Variants in AGO1 observed in about 807,000 individuals in gnomAD.
AGO1 encodes protein argonaute-1.
In AGO1, 11 loss-of-function variants were observed where a neutral mutation model predicts 109.2. The ratio of observed to expected loss-of-function variants is 0.10; its 90% CI spans 0.06 to 0.17. AGO1 has a LOEUF of 0.17. AGO1 is among the 10% of genes least tolerant of loss of function. The pLI is 1.00. For synonymous variants in AGO1, 422 were observed against 418.6 expected (o/e 1.01, Z -0.10); for missense variants, 574 against 1,140.3 (o/e 0.50, Z 7.15).
chr1:35,883,963 C>T lies in AGO1; in HGVS notation c.25+517C>T, dbSNP rs1372690081. On this transcript the variant is annotated intron_variant, in intron 1 of 18. Coordinates refer to ENST00000373204, the MANE Select transcript of AGO1 (RefSeq NM_012199.5). The surrounding 1 kb of genome is among the most constrained non-coding windows in gnomAD (Gnocchi z 5.4). ...GGGGCGGTGGGTGGGGACCCAGTCC[C>T]GGGATTACCCCCCGTGGGTCTGGGG... is the stretch of plus-strand genomic sequence containing the variant. Among the ~76,000 whole-genome samples the T allele has an allele frequency of 6.6e-6, 1 of 152,194 alleles. No homozygotes were observed. The highest frequency in any genetic ancestry group is 1.9e-4 in the East Asian group (1 of 5,176).
At chr1:35,910,590 A>C (rs995374743) in intron 12 of AGO1, among the ~76,000 whole-genome samples, 5 of 152,154 alleles carry the variant, frequency 3.3e-5, no homozygotes, top group African/African-American at 1.2e-4. Context: ...AGTTTTGCCT[A>C]TATTTAAACT....
intron 15 of AGO1, 95 bp from the exon 16 acceptor site, chr1:35,917,498 A>G (rs1645754675): frequency 7.2e-7 from 1 of 1,397,890 alleles, no homozygotes; most frequent in African/African-American, 1.4e-5. Flanking sequence ...GCCAAAAGTT[A>G]TATTACAAGT....
chr1:35,903,156 G>A (rs943345929), intron 11 of AGO1, among the ~76,000 whole-genome samples: 8 of 151,740 alleles, frequency 5.3e-5, no homozygotes, highest in Non-Finnish European at 4.4e-5. Context: ...ACAGGCGCCC[G>A]CCACCACGCC....
chr1:35,883,726 C>A lies in AGO1; in HGVS notation c.25+280C>A, dbSNP rs1048356988. Among the ~76,000 whole-genome samples, 1 of 152,212 alleles carries A rather than the reference C, an allele frequency of 6.6e-6. No homozygotes were observed. Among genetic ancestry groups the A allele is most frequent in the African/African-American group, 2.4e-5 (1 of 41,470 alleles). On this transcript the variant is annotated intron_variant, in intron 1 of 18. Transcript: ENST00000373204. This position sits in a 1 kb window ranked among gnomAD's most constrained non-coding sequence, Gnocchi z 5.4. The stretch of plus-strand genomic sequence containing the variant: ...CACGCACGGAAGGACTCCCAGACAT[C>A]CGTGGAGGCCTACGGAGAGGCCCGG...
upstream of AGO1, among the ~76,000 whole-genome samples, chr1:35,881,854 A>G (rs571978885): frequency 6.1e-4 from 93 of 152,354 alleles, no homozygotes; most frequent in Middle Eastern, 0.014. Flanking sequence ...TACCCCGCCT[A>G]TCACTGCACC....
chr1:35,907,190 G>A (rs914261830), intron 12 of AGO1, 71 bp downstream of exon 12: 1 of 1,401,704 alleles, frequency 7.1e-7, no homozygotes, highest in African/African-American at 1.4e-5. Flanking sequence ...GGTCTCCTGG[G>A]AAGGACTCAG....
At position 35,920,735 on chromosome 1, in the gene AGO1, T is replaced by A. The variant is rs1246905719; in HGVS notation, c.*1128T>A. ...AGGTCTGGAGTTACTTTCATAGCAT[T>A]TTTCACTCTTGGCTTCTTTTCTCCC... On this transcript the variant is annotated 3_prime_UTR_variant, in exon 19 of 19. Coordinates refer to ENST00000373204, the MANE Select transcript of AGO1 (RefSeq NM_012199.5). The A allele has an allele frequency of 6.6e-6, 1 of 152,644 alleles. No homozygotes were observed. The highest frequency in any genetic ancestry group is 1.5e-5 in the Non-Finnish European group (1 of 68,056). The allele number at this position is 152,644 out of a possible 1,614,324, so 9.5% of individuals were successfully genotyped here. A position where few individuals can be genotyped will look rare whatever the true frequency, so the allele number is the denominator to read the frequency against.
chr1:35,901,710 G>A lies in AGO1; in HGVS notation c.1140+117G>A. ...AAGTCTAGATTTGTTGCCTAGGACTGTATAAGGCTGCTTTTGCTTCTTGAC... is the reference window on the plus strand; with the variant it reads ...AAGTCTAGATTTGTTGCCTAGGACTATATAAGGCTGCTTTTGCTTCTTGAC... On this transcript the variant is annotated intron_variant, in intron 9 of 18. Coordinates refer to ENST00000373204, the MANE Select transcript of AGO1 (RefSeq NM_012199.5). This position sits in a 1 kb window ranked among gnomAD's most constrained non-coding sequence, Gnocchi z 4.8. 1 of 1,495,136 alleles carries A rather than the reference G, an allele frequency of 6.7e-7. No individual in the cohort carries two copies. Among genetic ancestry groups the A allele is most frequent in the Non-Finnish European group, 9.1e-7 (1 of 1,103,878 alleles). The allele number at this position is 1,495,136 out of a possible 1,614,324, so 92.6% of individuals were successfully genotyped here.
chr1:35,890,470 T>G (rs748495896), intron 2 of AGO1, among the ~76,000 whole-genome samples: 2 of 152,230 alleles, frequency 1.3e-5, no homozygotes, highest in Non-Finnish European at 2.9e-5. Context: ...CAATATATTT[T>G]TGAAGATATT....
intron 12 of AGO1, among the ~76,000 whole-genome samples, chr1:35,913,349 T>TA (rs1645675289): frequency 6.6e-6 from 1 of 152,192 alleles, no homozygotes; most frequent in African/African-American, 2.4e-5. Flanking sequence ...AGGCTACCCT[T>TA]ATCTCCTCTG....
In AGO1 at chr1:35,883,481, C is replaced by G; in HGVS notation, c.25+35C>G. On this transcript the variant is annotated intron_variant, in intron 1 of 18. Coordinates refer to ENST00000373204, the MANE Select transcript of AGO1 (RefSeq NM_012199.5). The surrounding 1 kb of genome is among the most constrained non-coding windows in gnomAD (Gnocchi z 5.4). Reference sequence around the variant, plus strand: ...CCCAGGAGGGGGAACGGTGCATGCTCCAAGGACTGGGGGATCCCGCATGAA... The same window carrying G: ...CCCAGGAGGGGGAACGGTGCATGCTGCAAGGACTGGGGGATCCCGCATGAA... 1 of 1,537,330 alleles carries G rather than the reference C, an allele frequency of 6.5e-7. No individual in the cohort carries two copies. The highest frequency in any genetic ancestry group is 8.7e-7 in the Non-Finnish European group (1 of 1,149,176).
chr1:35,890,936 A>G (rs1339435598), intron 2 of AGO1, among the ~76,000 whole-genome samples: 1 of 152,182 alleles, frequency 6.6e-6, no homozygotes, highest in Admixed American at 6.5e-5. Flanking sequence ...GAGTATAAGA[A>G]GAAAGGAGAA....
At chr1:35,892,237 C>T (rs1289003546) in intron 2 of AGO1, among the ~76,000 whole-genome samples, 1 of 152,108 alleles carries the variant, frequency 6.6e-6, no homozygotes. Context: ...CCTTTAGCCT[C>T]CCCCTCTTCT....
intron 15 of AGO1, among the ~76,000 whole-genome samples, chr1:35,915,871 T>TA (rs1645725565): frequency 6.6e-6 from 1 of 152,218 alleles, no homozygotes; most frequent in East Asian, 1.9e-4. Flanking sequence ...GCTCTACCCT[T>TA]AGAGTTTCTG....
chr1:35,884,146 C>A (rs1228736005), intron 1 of AGO1, among the ~76,000 whole-genome samples: 1 of 143,606 alleles, frequency 7.0e-6, no homozygotes, highest in Non-Finnish European at 1.5e-5. Context: ...GGGGTGCATT[C>A]TCTCTTAGGT....
chr1:35,912,798 T>C (rs1645661580), intron 12 of AGO1, among the ~76,000 whole-genome samples: 1 of 152,144 alleles, frequency 6.6e-6, no homozygotes, highest in Non-Finnish European at 1.5e-5. Context: ...GTTCTTGAAC[T>C]CCTGACCTCG....
At chr1:35,890,961 A>C (rs1470010021) in intron 2 of AGO1, among the ~76,000 whole-genome samples, 1 of 152,210 alleles carries the variant, frequency 6.6e-6, no homozygotes, top group African/African-American at 2.4e-5. Context: ...TGATGCACAC[A>C]CATATAAATA....
At chr1:35,886,173 G>A (rs1039282445) in intron 1 of AGO1, among the ~76,000 whole-genome samples, 2 of 152,086 alleles carry the variant, frequency 1.3e-5, no homozygotes, top group Non-Finnish European at 2.9e-5. Context: ...GAAGGGTCCC[G>A]CCCCTTTCCC....
intron 1 of AGO1, among the ~76,000 whole-genome samples, chr1:35,876,274 T>TG (rs1389237616): frequency 1.3e-5 from 2 of 151,612 alleles, no homozygotes; most frequent in Admixed American, 1.3e-4. Flanking sequence ...GTTTTTTGTT[T>TG]TTTTTTTTTT....
Sources: gnomAD v4.1 joint callset for allele counts (sites outside exome capture counted in the v4.1 genomes callset) on GRCh38, gnomAD v4.1.1 for gene constraint, Gnocchi (gnomAD v3.1) non-coding constraint, MANE v1.5 for transcripts, NCBI Gene and HGNC (gene_info 2026-07-23, HGNC 2026-07-21) for gene names.